CBX5: variants seen among roughly 807,000 people sequenced by gnomAD.
CBX5 encodes chromobox protein homolog 5.
In CBX5, 7 loss-of-function variants were observed where a neutral mutation model predicts 20.7. That is an observed-to-expected ratio of 0.34 (90% CI 0.19 to 0.63). The LOEUF is 0.63. Among genes scored for constraint, CBX5 ranks in the 30% least tolerant of loss-of-function variants. CBX5 has a pLI of 0.75. For synonymous variants in CBX5, 78 were observed against 77.0 expected (o/e 1.01, Z -0.07); for missense variants, 110 against 224.1 (o/e 0.49, Z 3.25).
chr12:54,250,566 G>T (rs1384505145), intron 3 of CBX5, among the ~76,000 whole-genome samples: 1 of 151,646 alleles, frequency 6.6e-6, no homozygotes, highest in Non-Finnish European at 1.5e-5. Flanking sequence ...AGCACTTTGG[G>T]AGGCCGAGGC....
chr12:54,247,851 T>C (rs1943752426), intron 3 of CBX5, among the ~76,000 whole-genome samples: 1 of 151,482 alleles, frequency 6.6e-6, no homozygotes, highest in Non-Finnish European at 1.5e-5. Context: ...TTTTTTTTTT[T>C]TTTTTTTGAG....
intron 1 of CBX5, among the ~76,000 whole-genome samples, chr12:54,264,189 G>A (rs201224141): frequency 3.2e-4 from 49 of 152,254 alleles, no homozygotes; most frequent in Non-Finnish European, 6.3e-4. Flanking sequence ...ACAGGGCCTC[G>A]TTCTGTTGTT....
intron 1 of CBX5, among the ~76,000 whole-genome samples, chr12:54,276,310 T>C (rs993629090): frequency 6.6e-6 from 1 of 152,210 alleles, no homozygotes; most frequent in Admixed American, 6.5e-5. Flanking sequence ...CTGAACATCA[T>C]AGCTTAGCCT....
At chr12:54,261,262 C>A (rs1943913935) in intron 1 of CBX5, among the ~76,000 whole-genome samples, 1 of 150,330 alleles carries the variant, frequency 6.7e-6, no homozygotes, top group African/African-American at 2.4e-5. Context: ...ACAGAAGAAA[C>A]CATAGGGTGT....
intron 1 of CBX5, among the ~76,000 whole-genome samples, chr12:54,260,035 T>C (rs1365410647): frequency 1.3e-5 from 2 of 151,912 alleles, no homozygotes; most frequent in East Asian, 1.9e-4. Flanking sequence ...TTAAAATTGC[T>C]TGAGGGGAAA....
intron 1 of CBX5, 134 bp downstream of exon 1, chr12:54,279,859 CGCCCCCTGTTCTTCT>C (rs1944117147): frequency 6.6e-6 from 1 of 152,670 alleles, no homozygotes; most frequent in Non-Finnish European, 1.5e-5. Flanking sequence ...TAAAACATCC[CGCCCCCTGTTCTTCT>C]ATTGGTTGGC....
At chr12:54,257,377 C>T (rs747713614) in intron 2 of CBX5, 137 bp downstream of exon 2, 2 of 775,312 alleles carry the variant, frequency 2.6e-6, no homozygotes, top group Non-Finnish European at 4.2e-6. Context: ...GTTTTCTTTA[C>T]TGCTGTGTCT....
intron 1 of CBX5, among the ~76,000 whole-genome samples, chr12:54,269,076 C>T (rs545493119): frequency 5.8e-4 from 88 of 152,180 alleles, no homozygotes; most frequent in African/African-American, 1.9e-3. Context: ...CCAGCTAACA[C>T]GGTGAAAGCC....
At chr12:54,270,202 C>T (rs998981458) in intron 1 of CBX5, among the ~76,000 whole-genome samples, 1 of 152,110 alleles carries the variant, frequency 6.6e-6, no homozygotes, top group Non-Finnish European at 1.5e-5. Context: ...AGGGCCAAAC[C>T]TGTCAGTGAC....
intron 4 of CBX5, among the ~76,000 whole-genome samples, chr12:54,245,160 G>A (rs767056596): frequency 3.3e-5 from 5 of 151,756 alleles, no homozygotes; most frequent in Admixed American, 6.6e-5. Context: ...ACAGGCATGC[G>A]TCACCACGCC....
intron 3 of CBX5, among the ~76,000 whole-genome samples, chr12:54,250,901 G>C (rs1943793524): frequency 6.6e-6 from 1 of 151,484 alleles, no homozygotes; most frequent in African/African-American, 2.4e-5. Context: ...GGAGGCCAAG[G>C]TGGATGGATC....
chr12:54,247,804 G>C (rs920018623), intron 3 of CBX5, among the ~76,000 whole-genome samples: 1 of 151,408 alleles, frequency 6.6e-6, no homozygotes, highest in Non-Finnish European at 1.5e-5. Flanking sequence ...TTCCTGAGTA[G>C]CTGGGATTAT....
intron 1 of CBX5, among the ~76,000 whole-genome samples, chr12:54,274,730 T>C (rs1944043895): frequency 6.6e-6 from 1 of 151,922 alleles, no homozygotes; most frequent in African/African-American, 2.4e-5. Flanking sequence ...ATGAGGTCAG[T>C]AGATTGAGAC....
chr12:54,269,516 G>A (rs1351318948), intron 1 of CBX5, among the ~76,000 whole-genome samples: 2 of 151,966 alleles, frequency 1.3e-5, no homozygotes, highest in Non-Finnish European at 2.9e-5. Context: ...AGCCTCCCGA[G>A]TAGCTGGGAC....
intron 4 of CBX5, among the ~76,000 whole-genome samples, chr12:54,245,638 A>G (rs1423030470): frequency 2.0e-5 from 3 of 152,112 alleles, no homozygotes; most frequent in Admixed American, 6.6e-5. Flanking sequence ...CTAAAAATAT[A>G]AAAGTAGCCA....
At chr12:54,248,820 C>A (rs1943763505) in intron 3 of CBX5, among the ~76,000 whole-genome samples, 1 of 152,174 alleles carries the variant, frequency 6.6e-6, no homozygotes, top group Non-Finnish European at 1.5e-5. Context: ...TAACAAATTT[C>A]TTCTCCAGTG....
intron 1 of CBX5, among the ~76,000 whole-genome samples, chr12:54,266,030 G>C (rs372168451): frequency 6.0e-5 from 9 of 151,166 alleles, no homozygotes; most frequent in East Asian, 3.9e-4. Flanking sequence ...CTGGGCAACA[G>C]AGGCAGACTC....
At chr12:54,268,735 T>A (rs146056868) in intron 1 of CBX5, among the ~76,000 whole-genome samples, 2 of 152,338 alleles carry the variant, frequency 1.3e-5, no homozygotes, top group Non-Finnish European at 2.9e-5. Context: ...CCAAAGGTTG[T>A]TATAGAAAAG....
chr12:54,250,462 CAA>C (rs1006438950), intron 3 of CBX5, among the ~76,000 whole-genome samples: 1 of 150,980 alleles, frequency 6.6e-6, no homozygotes, highest in Non-Finnish European at 1.5e-5. Flanking sequence ...ATTTTCACTG[CAA>C]AAAAAAGATT....
Sources: allele counts gnomAD v4.1 joint callset (sites outside exome capture counted in the v4.1 genomes callset), GRCh38; gene constraint gnomAD v4.1.1; transcripts MANE v1.5; gene names NCBI Gene and HGNC (gene_info 2026-07-23, HGNC 2026-07-21).